The following ACE variants were observed in gnomAD, a reference collection of about 807,000 sequenced individuals.
ACE encodes the protein angiotensin I converting enzyme.
In ACE, 122 loss-of-function variants were observed where a neutral mutation model predicts 162.3. The ratio of observed to expected loss-of-function variants is 0.75; its 90% CI spans 0.65 to 0.87. The LOEUF (loss-of-function observed/expected upper bound fraction) is 0.87, where lower values mean the gene tolerates loss of function less well. ACE is among the 40% of genes least tolerant of loss of function. ACE has a pLI of 0.00. For synonymous variants in ACE, 796 were observed against 720.6 expected (o/e 1.10, Z -1.68); for missense variants, 1,799 against 1,735.1 (o/e 1.04, Z -0.65).
intron 19 of ACE, among the ~76,000 whole-genome samples, chr17:63,492,867 A>G (rs771904210): frequency 2.6e-5 from 4 of 152,202 alleles, no homozygotes; most frequent in Non-Finnish European, 5.9e-5. Context: ...TAAAAAATAA[A>G]TAAGTAAATG....
At position 63,496,393 on chromosome 17, in the gene ACE, G is replaced by A; in HGVS notation, c.3381-1G>A. 1 of 1,614,176 alleles carries A rather than the reference G, an allele frequency of 6.2e-7. No homozygotes were observed. Among genetic ancestry groups the A allele is most frequent in the Non-Finnish European group, 8.5e-7 (1 of 1,180,020 alleles). On this transcript the variant is annotated splice_acceptor_variant, in intron 22 of 24. Coordinates refer to ENST00000290866, the MANE Select transcript of ACE (RefSeq NM_000789.4). LOFTEE classifies it high-confidence loss of function. ...CGGGCCACGGCCTCGCTCTGCTCCA[G>A]GTACTTTGTCAGCTTCATCATCCAG... is the stretch of plus-strand genomic sequence containing the variant.
intron 7 of ACE, 72 bp downstream of exon 7, chr17:63,481,810 C>G: frequency 6.2e-7 from 1 of 1,600,634 alleles, no homozygotes. Flanking sequence ...GCAGCCCAGG[C>G]GCAGGGAAGC....
rs761139845 is a variant in ACE, at chr17:63,494,026, A to C, written c.3241A>C (p.Ile1081Leu). Residue 1081 changes from isoleucine to leucine, a missense_variant, in exon 21 of 25, where the codon ATC (isoleucine) becomes CTC (leucine). Physicochemically the swap from Ile to Leu is conservative, Grantham distance 5 (BLOSUM62 2). Coordinates refer to ENST00000290866, the MANE Select transcript of ACE (RefSeq NM_000789.4). ...GCGCTGGAGGGTATTTGATGGAAGC[A>C]TCACCAAGGAGAACTATAACCAGGA... ...QWRWRVFDGS[I>L]TKENYNQEWW... is the part of the protein sequence containing the mutation. 1 of 1,614,126 alleles carries C rather than the reference A, an allele frequency of 6.2e-7. No homozygotes were observed. The highest frequency in any genetic ancestry group is 1.3e-5 in the African/African-American group (1 of 75,010).
rs762466689 is a variant in ACE at position 63,480,344 on chromosome 17, A to C, written c.663A>C (p.Thr221=). ...TCACCCCCACGCCCCCAGGCTTCACAGACACGGGGGCCTACTGGCGCTCCT... is the reference window on the plus strand; with the variant it reads ...TCACCCCCACGCCCCCAGGCTTCACCGACACGGGGGCCTACTGGCGCTCCT... ...SNEAYKQDGF[T]DTGAYWRSWY... Residue 221 remains threonine (T), a synonymous_variant, in exon 5 of 25, where the codon ACA becomes ACC. Transcript: ENST00000290866. 1.7e-5 allele frequency: 28 copies of C among 1,613,878 alleles called. No homozygotes were observed. The highest frequency in any genetic ancestry group is 2.3e-5 in the Non-Finnish European group (27 of 1,180,028).
chr17:63,484,249 G>A lies in ACE; in HGVS notation c.1710-81G>A. On this transcript the variant is annotated intron_variant, in intron 11 of 24. Coordinates refer to ENST00000290866, the MANE Select transcript of ACE (RefSeq NM_000789.4). This position sits in a 1 kb window ranked among gnomAD's most constrained non-coding sequence, Gnocchi z 4.0. ...TGCAGTCCATTGGGGGGCGGAAGTG[G>A]CCAGGGGCATGTGGGCCGGGGTCCA... The A allele has an allele frequency of 6.8e-7, 1 of 1,476,526 alleles. No homozygotes were observed. The highest frequency in any genetic ancestry group is 2.4e-5 in the East Asian group (1 of 40,880). 91.5% of individuals were successfully genotyped at this position (1,476,526 alleles called of 1,614,324 possible). A position where few individuals can be genotyped will look rare whatever the true frequency, so the allele number is the denominator to read the frequency against.
chr17:63,485,694 G>A, intron 13 of ACE: 1 of 363,748 alleles, frequency 2.7e-6, no homozygotes, highest in Non-Finnish European at 5.3e-6. Context: ...AGAATGGCAT[G>A]AACCCGGGAG....
chr17:63,493,984 T>C lies in ACE; in HGVS notation c.3199T>C (p.Tyr1067His), dbSNP rs1342469069. 4.3e-6 allele frequency: 7 copies of C among 1,614,030 alleles called. No homozygotes were observed. The highest frequency in any genetic ancestry group is 5.9e-6 in the Non-Finnish European group (7 of 1,180,032). The change falls in exon 21 of 25, where the codon TAC becomes CAC. Residue 1067 changes from tyrosine (Y) to histidine (H), a missense_variant. Transcript: ENST00000290866. Reference protein sequence around the residue: ...LDKIAFIPFSYLVDQWRWRVF... With the variant: ...LDKIAFIPFSHLVDQWRWRVF... ...CAAGATCGCCTTTATCCCCTTCAGC[T>C]ACCTCGTCGATCAGTGGCGCTGGAG... is the stretch of plus-strand genomic sequence containing the variant.
intron 22 of ACE, among the ~76,000 whole-genome samples, chr17:63,495,732 T>C (rs141893923): frequency 1.4e-4 from 22 of 152,210 alleles, no homozygotes; most frequent in African/African-American, 5.1e-4. Flanking sequence ...CAAACAGGGG[T>C]GGGCAAAGGA....
intron 22 of ACE, chr17:63,496,005 C>T: frequency 3.1e-6 from 1 of 323,886 alleles, no homozygotes; most frequent in Non-Finnish European, 6.0e-6. Flanking sequence ...GCCCAGACCA[C>T]CCTAGTAGAT....
chr17:63,480,659 T>C lies in ACE; in HGVS notation c.847+131T>C, dbSNP rs187392868. 9 of 1,034,902 alleles carry C rather than the reference T, an allele frequency of 8.7e-6. No homozygotes were observed. The East Asian group carries it at 2.2e-4, about 25-fold the overall frequency. 64.1% of individuals were successfully genotyped at this position (1,034,902 alleles called of 1,614,324 possible). On this transcript the variant is annotated intron_variant, in intron 5 of 24. Coordinates refer to ENST00000290866, the MANE Select transcript of ACE (RefSeq NM_000789.4). ...CTCACATGTGTGGGGCATCATACTGTTTGCTTCACATGCAGGAGACCATTC... is the reference window on the plus strand; with the variant it reads ...CTCACATGTGTGGGGCATCATACTGCTTGCTTCACATGCAGGAGACCATTC...
rs779110765 is a variant in ACE at position 63,483,468 on chromosome 17, A to G, written c.1496A>G (p.Tyr499Cys). ...TAACCATCCTTTTCCAGAACCAAGT[A>G]TCAGGGGATCTGTCCTCCTGTTACC... The part of the protein sequence containing the change: ...NFDWWYLRTK[Y>C]QGICPPVTRN... The change falls in exon 10 of 25, where the codon TAT becomes TGT. Residue 499 changes from tyrosine to cysteine, a missense_variant. Physicochemically the swap from Tyr to Cys is radical, Grantham distance 194. Transcript: ENST00000290866. The G allele has an allele frequency of 8.7e-6, 14 of 1,613,978 alleles. No individual in the cohort carries two copies. The Admixed American group carries it at 1.5e-4, about 17-fold the overall frequency.
intron 13 of ACE, chr17:63,485,755 A>T (rs1173650611): frequency 5.2e-6 from 1 of 191,616 alleles, no homozygotes; most frequent in East Asian, 1.4e-4. Flanking sequence ...AGCCTGGGCG[A>T]CAGAGCGAGA....
At chr17:63,492,461 G>A (rs533452916) in intron 19 of ACE, among the ~76,000 whole-genome samples, 2 of 152,254 alleles carry the variant, frequency 1.3e-5, no homozygotes, top group African/African-American at 4.8e-5. Flanking sequence ...GATTCCCTGG[G>A]CTGTGCAGGC....
rs201529811 is a variant in ACE, at chr17:63,493,590, G to A, written c.3067G>A (p.Ala1023Thr). The A allele has an allele frequency of 6.2e-7, 1 of 1,614,204 alleles. No individual in the cohort carries two copies. Among genetic ancestry groups the A allele is most frequent in the Non-Finnish European group, 8.5e-7 (1 of 1,180,042 alleles). ...CCATGAGGCCATTGGGGACGTGCTA[G>A]CCCTCTCAGTGTCTACGCCCAAGCA... ...GFHEAIGDVL[A>T]LSVSTPKHLH... Residue 1023 changes from alanine to threonine, a missense_variant, in exon 20 of 25, where the codon GCC becomes ACC. Ala to Thr is a moderately conservative substitution (Grantham distance 58, BLOSUM62 0). Transcript: ENST00000290866.
At chr17:63,483,324 C>A in intron 9 of ACE, 136 bp from the exon 10 acceptor site, 1 of 1,488,300 alleles carries the variant, frequency 6.7e-7, no homozygotes, top group Non-Finnish European at 9.4e-7. Flanking sequence ...CTGCCTGAAA[C>A]TCCCTCTTCC....
intron 15 of ACE, among the ~76,000 whole-genome samples, chr17:63,488,308 G>A (rs1171426862): frequency 7.4e-5 from 11 of 148,856 alleles, no homozygotes; most frequent in Admixed American, 4.0e-4. Flanking sequence ...GCAGTGAGCC[G>A]AGATGGCGCC....
At position 63,484,234 on chromosome 17, in the gene ACE, T is replaced by TG. The variant is rs528612741; in HGVS notation, c.1710-90dup. 1.0e-5 allele frequency: 14 copies of TG among 1,401,106 alleles called. No individual in the cohort carries two copies. The highest frequency in any genetic ancestry group is 1.3e-5 in the Non-Finnish European group (13 of 1,024,362). 86.8% of individuals were successfully genotyped at this position (1,401,106 alleles called of 1,614,324 possible). The stretch of plus-strand genomic sequence containing the variant: ...TATTGCCACAGTTTCTGCAGTCCAT[T>TG]GGGGGGCGGAAGTGGCCAGGGGCAT... On this transcript the variant is annotated intron_variant, in intron 11 of 24. Coordinates refer to ENST00000290866, the MANE Select transcript of ACE (RefSeq NM_000789.4). This position sits in a 1 kb window ranked among gnomAD's most constrained non-coding sequence, Gnocchi z 4.0.
intron 1 of ACE, 94 bp downstream of exon 1, chr17:63,477,437 G>A: frequency 9.7e-7 from 1 of 1,030,606 alleles, no homozygotes; most frequent in South Asian, 4.8e-5. Context: ...TGGCGCCCCC[G>A]ACCCGAACCC....
rs1453407022 is a variant in ACE at position 63,497,651 on chromosome 17, G to A, written c.*285G>A. On this transcript the variant is annotated 3_prime_UTR_variant, in exon 25 of 25. Coordinates refer to ENST00000290866, the MANE Select transcript of ACE (RefSeq NM_000789.4). ...GTCTGTGTCCCTCACAGGGAAGCCAGGGACAGGGACAGGCTGCTTTCCTGC... is the reference window on the plus strand; with the variant it reads ...GTCTGTGTCCCTCACAGGGAAGCCAAGGACAGGGACAGGCTGCTTTCCTGC... 2 of 628,878 alleles carry A rather than the reference G, an allele frequency of 3.2e-6. No individual in the cohort carries two copies. Among genetic ancestry groups the A allele is most frequent in the South Asian group, 1.7e-5 (1 of 59,174 alleles). 39.0% of individuals were successfully genotyped at this position (628,878 alleles called of 1,614,324 possible). A position where few individuals can be genotyped will look rare whatever the true frequency, so the allele number is the denominator to read the frequency against.
Sources: gnomAD v4.1 joint callset for allele counts (sites outside exome capture counted in the v4.1 genomes callset) on GRCh38, gnomAD v4.1.1 for gene constraint, Gnocchi (gnomAD v3.1) non-coding constraint, MANE v1.5 for transcripts, NCBI Gene and HGNC (gene_info 2026-07-23, HGNC 2026-07-21) for gene names.